SRR: variants seen among roughly 807,000 people sequenced by gnomAD.
SRR encodes the protein serine racemase.
Under a neutral mutation model 32.7 loss-of-function variants are expected in SRR, and 19 were observed. That is an observed-to-expected ratio of 0.58 (90% confidence interval 0.40 to 0.85). The LOEUF is 0.85. Among genes scored for constraint, SRR ranks in the 40% least tolerant of loss-of-function variants. The pLI is 0.00. For synonymous variants in SRR, 142 were observed against 140.9 expected, an observed-to-expected ratio of 1.01 and a Z score of -0.06; for missense variants, 373 against 404.7, an observed-to-expected ratio of 0.92 and a Z score of 0.67.
chr17:2,303,785 C>T (rs1390617085), upstream of SRR: 73 of 1,364,988 alleles, frequency 5.3e-5, no homozygotes, highest in Non-Finnish European at 6.8e-5. Flanking sequence ...GAAACCACCA[C>T]AGACGGGCGG....
chr17:2,305,153 A>G (rs2151427066), intron 1 of SRR, among the ~76,000 whole-genome samples: 1 of 152,382 alleles, frequency 6.6e-6, no homozygotes, highest in South Asian at 2.1e-4. Flanking sequence ...AAGATCCAAC[A>G]GTTCAGAAGA....
chr17:2,304,566 A>T (rs1296181404), intron 1 of SRR, among the ~76,000 whole-genome samples: 1 of 151,678 alleles, frequency 6.6e-6, no homozygotes, highest in Non-Finnish European at 1.5e-5. Flanking sequence ...TAAAAACTAG[A>T]TACGATATAG....
At chr17:2,305,405 C>G (rs2075380203) in intron 1 of SRR, among the ~76,000 whole-genome samples, 1 of 151,908 alleles carries the variant, frequency 6.6e-6, no homozygotes, top group Non-Finnish European at 1.5e-5. Flanking sequence ...TAAACCAGTT[C>G]AAGAAAATTT....
chr17:2,315,653 C>T lies in SRR; in HGVS notation c.93C>T (p.Ser31=), dbSNP rs768663029. 7 of 1,614,128 alleles carry T rather than the reference C, an allele frequency of 4.3e-6. No homozygotes were observed. In the South Asian group the frequency reaches 5.5e-5, roughly 13 times the overall value. The change falls in exon 2 of 8, where the codon AGC becomes AGT. Residue 31 remains serine (S), a synonymous_variant. Transcript: ENST00000344595. ...DSIHLTPVLT[S]SILNQLTGRN... ...TCCACCTCACACCAGTGCTAACAAG[C>T]TCCATTTTGAATCAACTAACAGGGC... is the stretch of plus-strand genomic sequence containing the variant.
At chr17:2,307,574 T>C (rs766459892) in intron 1 of SRR, 6 of 1,063,784 alleles carry the variant, frequency 5.6e-6, no homozygotes, top group African/African-American at 1.6e-5. Context: ...CTTCAATTTT[T>C]GGACCCATGA....
rs1420337262 is a variant in SRR, at chr17:2,323,257, G to A, written c.716G>A (p.Gly239Asp). The A allele has an allele frequency of 1.9e-6, 3 of 1,614,066 alleles. No individual in the cohort carries two copies. Among genetic ancestry groups the A allele is most frequent in the African/African-American group, 2.7e-5 (2 of 74,920 alleles). The change falls in exon 7 of 8, where the codon GGT becomes GAT. Residue 239 changes from glycine to aspartate, a missense_variant. By Grantham distance (94) the Gly-to-Asp change is moderately conservative (BLOSUM62 -1). Transcript: ENST00000344595. ...NLYPPETIAD[G>D]VKSSIGLNTW... The stretch of plus-strand genomic sequence containing the variant: ...TATCCTCCAGAAACCATAGCAGATG[G>A]TGTCAAATCCAGCATTGGCTTGAAC...
intron 4 of SRR, among the ~76,000 whole-genome samples, chr17:2,319,832 T>TC (rs1486275281): frequency 2.0e-5 from 3 of 151,098 alleles, no homozygotes; most frequent in Non-Finnish European, 4.4e-5. Context: ...TTTTTTTTTT[T>TC]TTTTGAGGCG....
chr17:2,324,555 C>T lies in SRR; in HGVS notation c.*682C>T, dbSNP rs1393114432. 6.2e-7 allele frequency: 1 copy of T among 1,614,226 alleles called. No individual in the cohort carries two copies. Among genetic ancestry groups the T allele is most frequent in the Non-Finnish European group, 8.5e-7 (1 of 1,180,030 alleles). On this transcript the variant is annotated 3_prime_UTR_variant, in exon 8 of 8. Transcript: ENST00000344595. ...CGGCCCCACTTCGTTCTCAGTTCCA[C>T]TGGTTTAAACCACAGCACATCCTCT...
chr17:2,322,813 A>C (rs529465828), intron 6 of SRR: 17 of 326,722 alleles, frequency 5.2e-5, no homozygotes, highest in Non-Finnish European at 9.4e-5. Context: ...ACTGCGCCCC[A>C]CCCCATTTTG....
In SRR at chr17:2,324,224, G is replaced by A; in HGVS notation, c.*351G>A. On this transcript the variant is annotated 3_prime_UTR_variant, in exon 8 of 8. Coordinates refer to ENST00000344595, the MANE Select transcript of SRR (RefSeq NM_021947.3). ...CTCCATGCCCCCTTGAGGCACTGTT[G>A]AAGAAATCTCACTTTTCAGCCAGGG... The A allele has an allele frequency of 6.5e-7, 1 of 1,527,806 alleles. No individual in the cohort carries two copies. The highest frequency in any genetic ancestry group is 2.3e-5 in the East Asian group (1 of 44,334). 94.6% of individuals were successfully genotyped at this position (1,527,806 alleles called of 1,614,324 possible).
At chr17:2,307,329 A>T in intron 1 of SRR, 1 of 1,056,162 alleles carries the variant, frequency 9.5e-7, no homozygotes, top group Non-Finnish European at 1.5e-6. Flanking sequence ...TGAGTGCTTC[A>T]TCCAGCCAAA....
intron 4 of SRR, among the ~76,000 whole-genome samples, chr17:2,319,861 C>G (rs978639403): frequency 6.6e-6 from 1 of 151,144 alleles, no homozygotes; most frequent in Admixed American, 6.6e-5. Flanking sequence ...CTCTGTCGCC[C>G]AAGCTGGAGT....
At chr17:2,323,405 A>C in intron 7 of SRR, 60 bp downstream of exon 7, 3 of 1,598,008 alleles carry the variant, frequency 1.9e-6, no homozygotes, top group Middle Eastern at 3.4e-4. Flanking sequence ...GGCAGAAGAA[A>C]CTTCCCTTAG....
At chr17:2,303,457 C>A, upstream of SRR, 1 of 1,314,336 alleles carries the variant, frequency 7.6e-7, no homozygotes, top group Non-Finnish European at 9.7e-7. Context: ...GAGCCCGACC[C>A]CGCACTAACC....
At chr17:2,321,940 G>A (rs549522207) in intron 6 of SRR, among the ~76,000 whole-genome samples, 60 of 152,188 alleles carry the variant, frequency 3.9e-4, no homozygotes, top group African/African-American at 1.4e-3. Flanking sequence ...ACCACACCCC[G>A]CTAATTTTTT....
rs778835819 is a variant in SRR at position 2,324,872 on chromosome 17, CAA to C, written c.*1001_*1002del. Reference sequence around the variant, plus strand: ...AGAAGCTATTTAGGAATTTACAGGCCAAAGTCTTCATTTATTGCCCAGTCCAT... The same window carrying C: ...AGAAGCTATTTAGGAATTTACAGGCCAGTCTTCATTTATTGCCCAGTCCAT... On this transcript the variant is annotated 3_prime_UTR_variant, in exon 8 of 8. Coordinates refer to ENST00000344595, the MANE Select transcript of SRR (RefSeq NM_021947.3). 5 of 1,578,334 alleles carry C rather than the reference CAA, an allele frequency of 3.2e-6. No homozygotes were observed. Among genetic ancestry groups the C allele is most frequent in the Non-Finnish European group, 4.3e-6 (5 of 1,166,670 alleles).
Position 2,305,901 on chromosome 17 carries a change from G to A in SRR, c.-5+1884G>A, listed in dbSNP as rs577604944. On this transcript the variant is annotated intron_variant, in intron 1 of 7. Transcript: ENST00000344595. ...TTTAGTAGAGATGGGGTTTCACCAT[G>A]TTGACCAGTCTGGTCTCGAACTCCT... Among the ~76,000 whole-genome samples, 125 of 151,824 alleles carry A rather than the reference G, an allele frequency of 8.2e-4. 2 individuals carry two copies. Among genetic ancestry groups the A allele is most frequent in the African/African-American group, 2.9e-3 (121 of 41,510 alleles).
intron 1 of SRR, chr17:2,307,721 A>G: frequency 1.0e-6 from 1 of 989,336 alleles, no homozygotes; most frequent in Non-Finnish European, 1.6e-6. Flanking sequence ...GATTTTAATT[A>G]GGCAACAAAG....
chr17:2,313,428 A>C (rs978960055), intron 1 of SRR, among the ~76,000 whole-genome samples: 2 of 144,980 alleles, frequency 1.4e-5, no homozygotes, highest in South Asian at 2.2e-4. Context: ...GACTCTCTCA[A>C]AAAAAAAAAA....
Sources: allele counts gnomAD v4.1 joint callset (sites outside exome capture counted in the v4.1 genomes callset), GRCh38; gene constraint gnomAD v4.1.1; transcripts MANE v1.5; gene names NCBI Gene and HGNC (gene_info 2026-07-23, HGNC 2026-07-21).